The following ACD variants were observed in gnomAD, a reference collection of about 807,000 sequenced individuals.
ACD encodes the protein adrenocortical dysplasia protein homolog.
In ACD, 39 loss-of-function variants were observed where a neutral mutation model predicts 53.9. The ratio of observed to expected loss-of-function variants is 0.72; its 90% CI spans 0.56 to 0.95. The LOEUF (loss-of-function observed/expected upper bound fraction) is 0.95, where lower values mean the gene tolerates loss of function less well. Ranked by LOEUF, ACD falls within the 40% of genes least tolerant of loss-of-function variation. The pLI is 0.00. For synonymous variants in ACD, 273 were observed against 249.2 expected, an observed-to-expected ratio of 1.10 and a Z score of -0.90; for missense variants, 526 against 587.9, an observed-to-expected ratio of 0.89 and a Z score of 1.09.
chr16:67,658,683 C>G (rs1214901668), intron 8 of ACD, 37 bp downstream of exon 8: 3 of 1,593,334 alleles, frequency 1.9e-6, no homozygotes, highest in South Asian at 1.1e-5. Flanking sequence ...TGGACCTGGG[C>G]CCCAGGTATC....
intron 7 of ACD, 31 bp from the exon 8 acceptor site, chr16:67,658,847 C>T (rs375883743): frequency 1.9e-6 from 3 of 1,601,906 alleles, no homozygotes; most frequent in Non-Finnish European, 2.6e-6. Context: ...AGGACAGGCC[C>T]GTTTACTCTC....
Position 67,657,517 on chromosome 16 carries a change from G to A in ACD, c.*89C>T. 3 of 1,613,440 alleles carry A rather than the reference G, an allele frequency of 1.9e-6. No individual in the cohort carries two copies. Among genetic ancestry groups the A allele is most frequent in the South Asian group, 2.2e-5 (2 of 91,036 alleles). ...CAAAGAGGCGGCGGCCCCAATCCCTGATCCTCTCCTCTCCTGCCGCATGAG... is the reference window on the plus strand; with the variant it reads ...CAAAGAGGCGGCGGCCCCAATCCCTAATCCTCTCCTCTCCTGCCGCATGAG... On this transcript the variant is annotated 3_prime_UTR_variant, in exon 12 of 12. Transcript: ENST00000620761. The surrounding 1 kb of genome is among the most constrained non-coding windows in gnomAD (Gnocchi z 4.5).
At chr16:67,659,298 T>C (rs968441217) in intron 5 of ACD, 35 bp from the exon 6 acceptor site, 21 of 1,613,982 alleles carry the variant, frequency 1.3e-5, no homozygotes, top group Non-Finnish European at 1.8e-5. Flanking sequence ...TCAGGAACCA[T>C]GCTGAGGCCT....
At position 67,657,787 on chromosome 16, in the gene ACD, G is replaced by C; in HGVS notation, c.1273C>G (p.Leu425Val). ...CTGACAGCTTGGACCCGAGCACAGA[G>C]GGACGTGCAGGGTGGCTCATACTCA... ...QYEYEPPCTS[L>V]CARVQAVRLP... Residue 425 changes from leucine to valine, a missense_variant, in exon 11 of 12, where the codon CTC becomes GTC. Coordinates refer to ENST00000620761, the MANE Select transcript of ACD (RefSeq NM_001082486.2). This position sits in a 1 kb window ranked among gnomAD's most constrained non-coding sequence, Gnocchi z 4.5. 6.2e-7 allele frequency: 1 copy of C among 1,614,074 alleles called. No individual in the cohort carries two copies. Among genetic ancestry groups the C allele is most frequent in the Non-Finnish European group, 8.5e-7 (1 of 1,180,018 alleles).
chr16:67,659,653 C>G, intron 3 of ACD, 40 bp from the exon 4 acceptor site: 1 of 1,612,946 alleles, frequency 6.2e-7, no homozygotes. Flanking sequence ...TCAGAATCGT[C>G]ACGAAGAGTC....
rs2142974643 is a variant in ACD, at chr16:67,659,740, C to T, written c.298G>A (p.Asp100Asn). The change falls in exon 3 of 12, where the codon GAC (aspartate) becomes AAC (asparagine). Residue 100 changes from aspartate to asparagine, a missense_variant. Coordinates refer to ENST00000620761, the MANE Select transcript of ACD (RefSeq NM_001082486.2). ...GTEGRLLLLQ[D>N]CGVHVQVAEG... ...GCGACCTGGACATGAACCCCGCAGT[C>T]CTGCAGCAGCAGCAGCCGGCCCTCT... 6.2e-7 allele frequency: 1 copy of T among 1,613,210 alleles called. No individual in the cohort carries two copies. The highest frequency in any genetic ancestry group is 8.5e-7 in the Non-Finnish European group (1 of 1,179,836).
chr16:67,659,863 T>A (rs762194053), intron 2 of ACD, 40 bp downstream of exon 2: 7 of 1,580,344 alleles, frequency 4.4e-6, no homozygotes, highest in Non-Finnish European at 6.0e-6. Flanking sequence ...CGCGCTCTCC[T>A]GCCGGACTCC....
chr16:67,658,944 G>A lies in ACD; in HGVS notation c.629C>T (p.Ser210Leu), dbSNP rs761057296. The A allele has an allele frequency of 6.2e-7, 1 of 1,613,828 alleles. No individual in the cohort carries two copies. The highest frequency in any genetic ancestry group is 8.5e-7 in the Non-Finnish European group (1 of 1,179,954). The change falls in exon 7 of 12, where the codon TCA becomes TTA. Residue 210 changes from serine (S) to leucine (L), a missense_variant. By Grantham distance (145) the Ser-to-Leu change is moderately radical. Transcript: ENST00000620761. ...CAGACTGACCGTGGCCTTGCATCGT[G>A]AGGCAGCCCAGTGGGTGACAGGGGG... ...TAPPVTHWAA[S>L]RCKATGEAVY... is the part of the protein sequence containing the mutation.
At position 67,659,625 on chromosome 16, in the gene ACD, C is replaced by G. The variant is rs1021416366; in HGVS notation, c.337-12G>C. ...TAGAACTCTGCGGGCTGGAGGAGTT[C>G]GGGGGGAAGGGGGGGTCTCAGAATC... On this transcript the variant is annotated splice_polypyrimidine_tract_variant and intron_variant, in intron 3 of 11. Transcript: ENST00000620761. 1.9e-5 allele frequency: 30 copies of G among 1,613,002 alleles called. No individual in the cohort carries two copies. Among genetic ancestry groups the G allele is most frequent in the Non-Finnish European group, 2.3e-5 (27 of 1,179,954 alleles).
At chr16:67,659,655 C>T in intron 3 of ACD, 42 bp from the exon 4 acceptor site, 1 of 1,612,944 alleles carries the variant, frequency 6.2e-7, no homozygotes, top group South Asian at 1.1e-5. Context: ...AGAATCGTCA[C>T]GAAGAGTCAT....
chr16:67,657,597 C>A lies in ACD; in HGVS notation c.*9G>T, dbSNP rs368507056. The A allele has an allele frequency of 6.2e-7, 1 of 1,614,164 alleles. No homozygotes were observed. Among genetic ancestry groups the A allele is most frequent in the African/African-American group, 1.3e-5 (1 of 75,058 alleles). ...AGAGTGTGGAGCGGTATCTGTCCTG[C>A]GTGACGTCTCACATCGGAGTTGGCT... On this transcript the variant is annotated 3_prime_UTR_variant, in exon 12 of 12. Transcript: ENST00000620761. The surrounding 1 kb of genome is among the most constrained non-coding windows in gnomAD (Gnocchi z 4.5).
At position 67,659,258 on chromosome 16, in the gene ACD, T is replaced by A. The variant is rs1567641501; in HGVS notation, c.464A>T (p.His155Leu). Residue 155 changes from histidine to leucine, a missense_variant, in exon 6 of 12, where the codon CAC becomes CTC. Coordinates refer to ENST00000620761, the MANE Select transcript of ACD (RefSeq NM_001082486.2). Reference protein sequence around the residue: ...QKKLYDCLEEHLSESTSSNAG... With the variant: ...QKKLYDCLEELLSESTSSNAG... ...ATTGGACGAGGTGGACTCTGAAAGG[T>A]GCTCCCTACAGGAAGAGAGTGGCCA... 1.3e-5 allele frequency: 21 copies of A among 1,613,934 alleles called. No individual in the cohort carries two copies. The highest frequency in any genetic ancestry group is 1.8e-5 in the Non-Finnish European group (21 of 1,179,992).
rs762899114 is a variant in ACD at position 67,657,562 on chromosome 16, C to G, written c.*44G>C. 7.4e-6 allele frequency: 12 copies of G among 1,614,012 alleles called. No individual in the cohort carries two copies. Among genetic ancestry groups the G allele is most frequent in the Admixed American group, 5.0e-5 (3 of 60,030 alleles). The stretch of plus-strand genomic sequence containing the variant: ...CATGAGATTATTTTATTAAAAAACT[C>G]AAAGGAAGCAGAGTGTGGAGCGGTA... On this transcript the variant is annotated 3_prime_UTR_variant, in exon 12 of 12. Transcript: ENST00000620761. This position sits in a 1 kb window ranked among gnomAD's most constrained non-coding sequence, Gnocchi z 4.5.
Position 67,660,174 on chromosome 16 carries a change from A to C in ACD, c.47T>G (p.Leu16Arg). 6.2e-7 allele frequency: 1 copy of C among 1,612,570 alleles called. No homozygotes were observed. Among genetic ancestry groups the C allele is most frequent in the Non-Finnish European group, 8.5e-7 (1 of 1,179,906 alleles). The change falls in exon 1 of 12, where the codon CTG becomes CGG. Residue 16 changes from leucine to arginine, a missense_variant. By Grantham distance (102) the Leu-to-Arg change is moderately radical. Coordinates refer to ENST00000620761, the MANE Select transcript of ACD (RefSeq NM_001082486.2). ...RLVLRPWIRE[L>R]ILGSETPSSP... ...GGAGGGTGTCTCTGACCCCAGAATC[A>C]GCTCCCGAATCCAGGGCCGTAGGAC...
At chr16:67,658,435 C>G (rs1347483150) in intron 9 of ACD, 73 bp from the exon 10 acceptor site, 2 of 1,607,930 alleles carry the variant, frequency 1.2e-6, no homozygotes, top group African/African-American at 2.7e-5. Flanking sequence ...CGAGCTCAGA[C>G]AGGACTGCAG....
In ACD at chr16:67,659,180, A is replaced by T. The variant is rs13331943; in HGVS notation, c.493+49T>A. On this transcript the variant is annotated intron_variant, in intron 6 of 11. Transcript: ENST00000620761. ...TGAGGAAGCATAAGGTTAAGGCTGG[A>T]GAGATCACTGCACAGCGTGTTAGGA... 1.2e-3 allele frequency: 2,012 copies of T among 1,613,358 alleles called. 32 individuals carry two copies. In the African/African-American group the frequency reaches 0.024, roughly 20 times the overall value.
In ACD at chr16:67,657,957, C is replaced by T. The variant is rs747058398; in HGVS notation, c.1206+29G>A. On this transcript the variant is annotated intron_variant, in intron 10 of 11. Coordinates refer to ENST00000620761, the MANE Select transcript of ACD (RefSeq NM_001082486.2). This position sits in a 1 kb window ranked among gnomAD's most constrained non-coding sequence, Gnocchi z 4.5. ...TCTACCTCAGGCCTTCCTTGTTCTACCCTCCAGCTGCAGAGGGGCTATGCT... is the reference window on the plus strand; with the variant it reads ...TCTACCTCAGGCCTTCCTTGTTCTATCCTCCAGCTGCAGAGGGGCTATGCT... 22 of 1,591,968 alleles carry T rather than the reference C, an allele frequency of 1.4e-5. No homozygotes were observed. Among genetic ancestry groups the T allele is most frequent in the Non-Finnish European group, 1.7e-5 (20 of 1,167,204 alleles).
intron 1 of ACD, 28 bp downstream of exon 1, chr16:67,660,094 G>A: frequency 1.9e-6 from 3 of 1,611,696 alleles, no homozygotes; most frequent in South Asian, 2.2e-5. Context: ...CCTCCGCCTC[G>A]GTCTCCGGGC....
chr16:67,659,086 A>T lies in ACD; in HGVS notation c.494-7T>A. 2 of 1,613,504 alleles carry T rather than the reference A, an allele frequency of 1.2e-6. No homozygotes were observed. The highest frequency in any genetic ancestry group is 8.5e-7 in the Non-Finnish European group (1 of 1,179,628). On this transcript the variant is annotated splice_polypyrimidine_tract_variant and splice_region_variant and intron_variant, in intron 6 of 11. Transcript: ENST00000620761. ...AGCTGGGACAGTGATAGGCCTGGGG[A>T]CAGGGGACCATGGGATGAGTCAAGG... is the stretch of plus-strand genomic sequence containing the variant.
Sources: gnomAD v4.1 joint callset for allele counts on GRCh38, gnomAD v4.1.1 for gene constraint, Gnocchi (gnomAD v3.1) non-coding constraint, MANE v1.5 for transcripts, NCBI Gene and HGNC (gene_info 2026-07-23, HGNC 2026-07-21) for gene names.